The following CYTH3 variants were observed in gnomAD, a reference collection of about 807,000 sequenced individuals.
CYTH3 encodes the protein cytohesin-3.
A neutral mutation model predicts 55.1 loss-of-function variants in CYTH3; 23 were observed. That is an observed-to-expected ratio of 0.42 (90% CI 0.30 to 0.59). The LOEUF is 0.59. Among genes scored for constraint, CYTH3 ranks in the 20% least tolerant of loss-of-function variants. CYTH3 has a pLI of 0.20. For missense variants in CYTH3, 413 were observed against 524.8 expected, an observed-to-expected ratio of 0.79 and a Z score of 2.08; for synonymous variants, 249 against 194.9, an observed-to-expected ratio of 1.28 and a Z score of -2.31.
At chr7:6,219,173 CCT>C (rs1784491893) in intron 1 of CYTH3, among the ~76,000 whole-genome samples, 2 of 152,086 alleles carry the variant, frequency 1.3e-5, no homozygotes, top group South Asian at 4.1e-4. Flanking sequence ...AAATGAGCCA[CCT>C]CTTTTTGGAA....
At chr7:6,181,244 CTTGT>C in intron 4 of CYTH3, among the ~76,000 whole-genome samples, 1 of 152,166 alleles carries the variant, frequency 6.6e-6, no homozygotes, top group South Asian at 2.1e-4. Flanking sequence ...CAAAGTTTTG[CTTGT>C]TTCTTTGCAT....
rs1780694584 is a variant in CYTH3, at chr7:6,272,527, C to G, written c.-20G>C. The G allele has an allele frequency of 7.6e-7, 1 of 1,322,488 alleles. No homozygotes were observed. The highest frequency in any genetic ancestry group is 1.5e-5 in the African/African-American group (1 of 64,944). 81.9% of individuals were successfully genotyped at this position (1,322,488 alleles called of 1,614,324 possible). ...ATCCATCTTGAGGCCACTCCCGCAG[C>G]CGGCGAGCCGGGGGCCGGCAGCAGA... On this transcript the variant is annotated 5_prime_UTR_variant, in exon 1 of 13. Coordinates refer to ENST00000350796, the MANE Select transcript of CYTH3 (RefSeq NM_004227.4).
At chr7:6,172,465 GTCAGCCCGCATGCC>G (rs1174780074) in intron 6 of CYTH3, among the ~76,000 whole-genome samples, 1 of 152,050 alleles carries the variant, frequency 6.6e-6, no homozygotes, top group Non-Finnish European at 1.5e-5. Flanking sequence ...TGCGTCTCGA[GTCAGCCCGCATGCC>G]TCTGCCCCAC....
chr7:6,226,915 C>G (rs1779269878), intron 1 of CYTH3, among the ~76,000 whole-genome samples: 1 of 152,054 alleles, frequency 6.6e-6, no homozygotes, highest in Admixed American at 6.6e-5. Flanking sequence ...CCCGTCTCTA[C>G]TAAAAATACA....
At position 6,162,263 on chromosome 7, in the gene CYTH3, T is replaced by C. The variant is rs1487856020; in HGVS notation, c.*2681A>G. The C allele has an allele frequency of 6.6e-6, 1 of 152,282 alleles. No individual in the cohort carries two copies. The highest frequency in any genetic ancestry group is 2.4e-5 in the African/African-American group (1 of 41,458). 9.4% of individuals were successfully genotyped at this position (152,282 alleles called of 1,614,324 possible). A position where few individuals can be genotyped will look rare whatever the true frequency, so the allele number is the denominator to read the frequency against. ...GGGTCAGTACAATTAAACTCAAATA[T>C]GAACCAGGGCGGCCAGCAAGACAGG... On this transcript the variant is annotated 3_prime_UTR_variant, in exon 13 of 13. Transcript: ENST00000350796.
intron 1 of CYTH3, among the ~76,000 whole-genome samples, chr7:6,208,145 T>C (rs1042206657): frequency 2.6e-5 from 4 of 152,130 alleles, no homozygotes; most frequent in Admixed American, 1.3e-4. Flanking sequence ...CTGGATAAGG[T>C]AGGTAAGAAT....
intron 1 of CYTH3, among the ~76,000 whole-genome samples, chr7:6,231,920 C>G (rs573326240): frequency 1.2e-4 from 18 of 152,326 alleles, no homozygotes; most frequent in African/African-American, 4.1e-4. Context: ...GGCTCTCCAA[C>G]GAGCCTGATC....
intron 2 of CYTH3, among the ~76,000 whole-genome samples, chr7:6,188,046 G>C (rs1783699664): frequency 6.6e-6 from 1 of 152,118 alleles, no homozygotes; most frequent in Non-Finnish European, 1.5e-5. Context: ...ATAAAACCAA[G>C]CCAGGAGCAG....
At chr7:6,168,397 G>A (rs1346702877) in intron 9 of CYTH3, among the ~76,000 whole-genome samples, 1 of 151,832 alleles carries the variant, frequency 6.6e-6, no homozygotes, top group Non-Finnish European at 1.5e-5. Flanking sequence ...ACCAAGCCAG[G>A]CCGCACTCCC....
chr7:6,171,218 C>A lies in CYTH3; in HGVS notation c.546G>T (p.Gly182=), dbSNP rs138327077. 1.2e-6 allele frequency: 2 copies of A among 1,614,128 alleles called. No homozygotes were observed. The highest frequency in any genetic ancestry group is 1.7e-6 in the Non-Finnish European group (2 of 1,180,008). The stretch of plus-strand genomic sequence containing the variant: ...TGCACTGACCTGTGGACTGGAAGAC[C>A]CCGGGGTTGCACAGGCAGTAGCGAG... ...FASRYCLCNP[G]VFQSTDTCYV... The change falls in exon 7 of 13, where the codon GGG becomes GGT. Residue 182 remains glycine, a synonymous_variant. Coordinates refer to ENST00000350796, the MANE Select transcript of CYTH3 (RefSeq NM_004227.4). This position sits in a 1 kb window ranked among gnomAD's most constrained non-coding sequence, Gnocchi z 6.7.
chr7:6,202,347 C>A (rs10257191), intron 1 of CYTH3, among the ~76,000 whole-genome samples: 11,906 of 152,214 alleles, frequency 0.078, 1,162 homozygotes, highest in African/African-American at 0.23. Flanking sequence ...GCTCAGCCCC[C>A]GGCTGGCCTT....
At chr7:6,188,116 C>A (rs1378389306) in intron 2 of CYTH3, among the ~76,000 whole-genome samples, 6 of 152,064 alleles carry the variant, frequency 3.9e-5, no homozygotes, top group Non-Finnish European at 5.9e-5. Flanking sequence ...CGCTTGAGAT[C>A]AGGAGTTTGA....
chr7:6,170,767 G>T lies in CYTH3; in HGVS notation c.711+63C>A, dbSNP rs180742553. On this transcript the variant is annotated intron_variant, in intron 8 of 12. Coordinates refer to ENST00000350796, the MANE Select transcript of CYTH3 (RefSeq NM_004227.4). The surrounding 1 kb of genome is among the most constrained non-coding windows in gnomAD (Gnocchi z 7.8). ...GGGAGGCGTGTCTAGAGCCGCGGGC[G>T]CTGCGGCCGCTCACAGCGAAGAGAT... The T allele has an allele frequency of 1.3e-6, 2 of 1,572,086 alleles. No individual in the cohort carries two copies. The highest frequency in any genetic ancestry group is 1.8e-5 in the Admixed American group (1 of 54,388).
At position 6,165,590 on chromosome 7, in the gene CYTH3, C is replaced by T. The variant is rs189205553; in HGVS notation, c.927G>A (p.Pro309=). Residue 309 remains proline, a synonymous_variant, in exon 11 of 13, where the codon CCG becomes CCA. Coordinates refer to ENST00000350796, the MANE Select transcript of CYTH3 (RefSeq NM_004227.4). ...TTDKEPRGII[P]LENLSIREVE... ...CCTCCCTGATGCTGAGGTTTTCCAA[C>T]GGGATGATTCCCCTGGGCTCCTTAT... 2.5e-5 allele frequency: 41 copies of T among 1,614,058 alleles called. No homozygotes were observed. The highest frequency in any genetic ancestry group is 1.7e-4 in the Middle Eastern group (1 of 6,058).
rs139187665 is a variant in CYTH3, at chr7:6,241,666, G to A, written c.34+30808C>T. Among the ~76,000 whole-genome samples the A allele has an allele frequency of 4.0e-4, 61 of 152,184 alleles. 1 individual carries two copies. The East Asian group carries it at 8.9e-3, about 22-fold the overall frequency. The stretch of plus-strand genomic sequence containing the variant: ...TCCAAGTGCCCATCAATAAGGTACT[G>A]GATAAATAAACCGATCCATTAGCAC... On this transcript the variant is annotated intron_variant, in intron 1 of 12. Transcript: ENST00000350796.
chr7:6,256,713 G>C (rs1344806352), intron 1 of CYTH3, among the ~76,000 whole-genome samples: 1 of 152,176 alleles, frequency 6.6e-6, no homozygotes, highest in Non-Finnish European at 1.5e-5. Context: ...GTTCTTTCCA[G>C]ATGAAAAAAA....
chr7:6,170,632 G>A lies in CYTH3; in HGVS notation c.726C>T (p.Ser242=). 6.2e-7 allele frequency: 1 copy of A among 1,612,194 alleles called. No individual in the cohort carries two copies. The highest frequency in any genetic ancestry group is 2.2e-5 in the East Asian group (1 of 44,816). The change falls in exon 9 of 13, where the codon AGC becomes AGT. Residue 242 remains serine (S), a synonymous_variant. Transcript: ENST00000350796. The surrounding 1 kb of genome is among the most constrained non-coding windows in gnomAD (Gnocchi z 7.8). Reference sequence around the variant, plus strand: ...GGATCTTAAATGGCTCGTTCTTAATGCTCTCATACAAATTCTGCAAGGAGG... The same window carrying A: ...GGATCTTAAATGGCTCGTTCTTAATACTCTCATACAAATTCTGCAAGGAGG... ...PEELLRNLYE[S]IKNEPFKIPE...
chr7:6,241,426 G>A (rs555583771), intron 1 of CYTH3, among the ~76,000 whole-genome samples: 1 of 152,346 alleles, frequency 6.6e-6, no homozygotes, highest in East Asian at 1.9e-4. Flanking sequence ...ACTACCTGTT[G>A]ACAAAACTGT....
At chr7:6,165,227 C>G (rs199632916) in intron 12 of CYTH3, 46 bp downstream of exon 12, 3 of 1,581,976 alleles carry the variant, frequency 1.9e-6, no homozygotes, top group East Asian at 4.5e-5. Context: ...GCCCTCCAAC[C>G]GGCACGAGAA....
Sources: gnomAD v4.1 joint callset for allele counts (sites outside exome capture counted in the v4.1 genomes callset) on GRCh38, gnomAD v4.1.1 for gene constraint, Gnocchi (gnomAD v3.1) non-coding constraint, MANE v1.5 for transcripts, NCBI Gene and HGNC (gene_info 2026-07-23, HGNC 2026-07-21) for gene names.